Variants in GLIPR1 observed in about 807,000 individuals in gnomAD.
GLIPR1 encodes the protein glioma pathogenesis-related protein 1.
In GLIPR1, 38 loss-of-function variants were observed where a neutral mutation model predicts 30.3. That is an observed-to-expected ratio of 1.26 (90% CI 0.97 to 1.65). The LOEUF is 1.65. Among genes scored for constraint, GLIPR1 ranks in the 40% most tolerant of loss-of-function variants. The probability of loss-of-function intolerance (pLI) is 0.00; values close to 1 mark genes in which losing one functional copy is unlikely to be tolerated. For synonymous variants in GLIPR1, 122 were observed against 110.6 expected (o/e 1.10, Z -0.65); for missense variants, 285 against 326.5 (o/e 0.87, Z 0.98).
Position 75,501,584 on chromosome 12 carries a change from G to T in GLIPR1, c.*2606G>T, listed in dbSNP as rs527361597. 3.7e-4 allele frequency: 231 copies of T among 622,686 alleles called. 1 individual carries two copies. The South Asian group carries it at 4.2e-3, about 11-fold the overall frequency. The allele number at this position is 622,686 out of a possible 1,614,324, so 38.6% of individuals were successfully genotyped here. On this transcript the variant is annotated 3_prime_UTR_variant, in exon 6 of 6. Coordinates refer to ENST00000266659, the MANE Select transcript of GLIPR1 (RefSeq NM_006851.3). ...TTATAAATTATCTCAGCCATCCCTT[G>T]TCCTTAGGATTAGTAATTAATGAAA...
chr12:75,499,177 C>A lies in GLIPR1; in HGVS notation c.*199C>A. On this transcript the variant is annotated 3_prime_UTR_variant, in exon 6 of 6. Coordinates refer to ENST00000266659, the MANE Select transcript of GLIPR1 (RefSeq NM_006851.3). ...CTTTAGTATAAATAAGCATTATTTG[C>A]AGGTTGCCACAGGTGGACTTTTAGT... 2.5e-6 allele frequency: 1 copy of A among 399,604 alleles called. No individual in the cohort carries two copies. The highest frequency in any genetic ancestry group is 4.4e-6 in the Non-Finnish European group (1 of 226,340). 24.8% of individuals were successfully genotyped at this position (399,604 alleles called of 1,614,324 possible).
At chr12:75,484,545 T>A (rs1448031618) in intron 2 of GLIPR1, 1 of 152,242 alleles carries the variant, frequency 6.6e-6, no homozygotes, top group East Asian at 1.9e-4. Flanking sequence ...ACAGTCTTTG[T>A]GTGAGCAATA....
chr12:75,481,474 G>A (rs1023678397), intron 1 of GLIPR1: 1 of 255,560 alleles, frequency 3.9e-6, no homozygotes, highest in Non-Finnish European at 7.6e-6. Flanking sequence ...ATTCAGTAAG[G>A]CTTGGGATTG....
At position 75,495,490 on chromosome 12, in the gene GLIPR1, C is replaced by A. The variant is rs2046344702; in HGVS notation, c.534-87C>A. The stretch of plus-strand genomic sequence containing the variant: ...GACCTTTGTACTTCACTCCACTATT[C>A]TTCTGGATTTAGTTAAGGATTCATA... On this transcript the variant is annotated intron_variant, in intron 3 of 5. Transcript: ENST00000266659. The A allele has an allele frequency of 4.2e-6, 3 of 711,986 alleles. No homozygotes were observed. In the South Asian group the frequency reaches 4.7e-5, roughly 11 times the overall value. The allele number at this position is 711,986 out of a possible 1,614,324, so 44.1% of individuals were successfully genotyped here. A position where few individuals can be genotyped will look rare whatever the true frequency, so the allele number is the denominator to read the frequency against.
In GLIPR1 at chr12:75,503,450, A is replaced by T; in HGVS notation, c.*4472A>T. 6.6e-6 allele frequency: 1 copy of T among 152,588 alleles called. No homozygotes were observed. Among genetic ancestry groups the T allele is most frequent in the Non-Finnish European group, 1.5e-5 (1 of 68,126 alleles). 9.5% of individuals were successfully genotyped at this position (152,588 alleles called of 1,614,324 possible). A position where few individuals can be genotyped will look rare whatever the true frequency, so the allele number is the denominator to read the frequency against. The stretch of plus-strand genomic sequence containing the variant: ...CAAAACAATGATGTGCAAGAACAAA[A>T]TGGAAACTGGTCATGGTGGGAAAGG... On this transcript the variant is annotated 3_prime_UTR_variant, in exon 6 of 6. Transcript: ENST00000266659.
Position 75,481,933 on chromosome 12 carries a change from AACTTC to A in GLIPR1, c.283_287del (p.Ser95GlyfsTer23). 1 of 1,614,124 alleles carries A rather than the reference AACTTC, an allele frequency of 6.2e-7. No individual in the cohort carries two copies. Among genetic ancestry groups the A allele is most frequent in the Non-Finnish European group, 8.5e-7 (1 of 1,180,004 alleles). ...GAAGCCACCCCACAAGCTGCACCCA[AACTTC>A]ACTTCACTGGGAGAGAACATCTGGA... On this transcript the variant is annotated frameshift_variant, in exon 2 of 6. Coordinates refer to ENST00000266659, the MANE Select transcript of GLIPR1 (RefSeq NM_006851.3). LOFTEE classifies it high-confidence loss of function.
intron 2 of GLIPR1, chr12:75,489,636 C>T (rs2046310599): frequency 6.6e-6 from 1 of 152,224 alleles, no homozygotes; most frequent in Non-Finnish European, 1.5e-5. Flanking sequence ...TCCCCTCTTA[C>T]CCTACACTCA....
chr12:75,491,837 A>G (rs775623420), intron 3 of GLIPR1: 6 of 152,186 alleles, frequency 3.9e-5, no homozygotes, highest in Non-Finnish European at 8.8e-5. Context: ...TGCAATATAT[A>G]TAATGATCTT....
At position 75,500,334 on chromosome 12, in the gene GLIPR1, T is replaced by C. The variant is rs1051446; in HGVS notation, c.*1356T>C. The C allele has an allele frequency of 0.38, 57,636 of 153,496 alleles. 11,030 individuals are homozygous for C. The highest frequency in any genetic ancestry group is 0.46 in the East Asian group (2,378 of 5,220). 9.5% of individuals were successfully genotyped at this position (153,496 alleles called of 1,614,324 possible). ...GGAACTTCTGAGTCATTATTTTCCA[T>C]CTTGCACATTAAAATAATTTAAAAT... On this transcript the variant is annotated 3_prime_UTR_variant, in exon 6 of 6. Coordinates refer to ENST00000266659, the MANE Select transcript of GLIPR1 (RefSeq NM_006851.3).
At position 75,501,919 on chromosome 12, in the gene GLIPR1, G is replaced by A. The variant is rs775428193; in HGVS notation, c.*2941G>A. The A allele has an allele frequency of 1.2e-5, 19 of 1,607,750 alleles. No homozygotes were observed. Among genetic ancestry groups the A allele is most frequent in the East Asian group, 6.9e-5 (3 of 43,574 alleles). On this transcript the variant is annotated 3_prime_UTR_variant, in exon 6 of 6. Transcript: ENST00000266659. ...TCATGTGAGCCAGACATAAAGTGCCGTACCTTTATTGCTTCCATTTTCTGC... is the reference window on the plus strand; with the variant it reads ...TCATGTGAGCCAGACATAAAGTGCCATACCTTTATTGCTTCCATTTTCTGC...
intron 2 of GLIPR1, among the ~76,000 whole-genome samples, chr12:75,485,549 A>AT: frequency 6.8e-6 from 1 of 146,806 alleles, no homozygotes; most frequent in East Asian, 2.0e-4. Context: ...TTATTTATTT[A>AT]TTTATTTATT....
rs777256691 is a variant in GLIPR1, at chr12:75,482,039, A to G, written c.380A>G (p.Lys127Arg). 1.2e-6 allele frequency: 2 copies of G among 1,614,012 alleles called. No individual in the cohort carries two copies. The highest frequency in any genetic ancestry group is 1.7e-6 in the Non-Finnish European group (2 of 1,179,870). The part of the protein sequence containing the change: ...WYDEIQDYDF[K>R]TRICKKVCGH... The stretch of plus-strand genomic sequence containing the variant: ...GACGAAATCCAGGACTATGACTTCA[A>G]GACTCGGATATGCAAAAAAGTCTGT... The change falls in exon 2 of 6, where the codon AAG (lysine) becomes AGG (arginine). Residue 127 changes from lysine (K) to arginine (R), a missense_variant. By Grantham distance (26) the Lys-to-Arg change is conservative. Transcript: ENST00000266659.
At chr12:75,497,323 A>G (rs1249854546) in intron 4 of GLIPR1, 1 of 152,220 alleles carries the variant, frequency 6.6e-6, no homozygotes, top group Admixed American at 6.5e-5. Context: ...ATCTTGGGGA[A>G]TAACATTTAG....
At position 75,481,994 on chromosome 12, in the gene GLIPR1, C is replaced by G. The variant is rs767699589; in HGVS notation, c.335C>G (p.Ser112Cys). 6.2e-7 allele frequency: 1 copy of G among 1,614,082 alleles called. No homozygotes were observed. The highest frequency in any genetic ancestry group is 8.5e-7 in the Non-Finnish European group (1 of 1,179,968). Residue 112 changes from serine to cysteine, a missense_variant, in exon 2 of 6, where the codon TCC (serine) becomes TGC (cysteine). Physicochemically the swap from Ser to Cys is moderately radical, Grantham distance 112 (BLOSUM62 -1). Coordinates refer to ENST00000266659, the MANE Select transcript of GLIPR1 (RefSeq NM_006851.3). ...TCTGTGCCCATTTTTTCTGTGTCTT[C>G]CGCCATCACAAACTGGTATGACGAA... ...TGSVPIFSVS[S>C]AITNWYDEIQ... is the part of the protein sequence containing the mutation.
rs1429965515 is a variant in GLIPR1, at chr12:75,502,788, A to G, written c.*3810A>G. The G allele has an allele frequency of 2.0e-5, 3 of 152,060 alleles. No homozygotes were observed. Among genetic ancestry groups the G allele is most frequent in the East Asian group, 1.9e-4 (1 of 5,196 alleles). The allele number at this position is 152,060 out of a possible 1,614,324, so 9.4% of individuals were successfully genotyped here. ...AAGCTTACACAGCTACAGAAGAAAG[A>G]TAAGTCAATTACTACAAGAAAGGGC... is the stretch of plus-strand genomic sequence containing the variant. On this transcript the variant is annotated 3_prime_UTR_variant, in exon 6 of 6. Transcript: ENST00000266659.
Position 75,495,558 on chromosome 12 carries a change from T to C in GLIPR1, c.534-19T>C. ...AAAACCGAAAAACTTCTAATGGACA[T>C]CCTTCTTCTGCTTTACAGAGGGAAT... On this transcript the variant is annotated intron_variant, in intron 3 of 5. Transcript: ENST00000266659. 1 of 1,445,412 alleles carries C rather than the reference T, an allele frequency of 6.9e-7. No individual in the cohort carries two copies. The allele number at this position is 1,445,412 out of a possible 1,614,324, so 89.5% of individuals were successfully genotyped here.
chr12:75,483,665 G>A (rs1054891419), intron 2 of GLIPR1: 3 of 152,236 alleles, frequency 2.0e-5, no homozygotes, highest in Non-Finnish European at 4.4e-5. Flanking sequence ...TGTGAGCAAG[G>A]AGGACAGAAT....
At position 75,499,133 on chromosome 12, in the gene GLIPR1, C is replaced by CTCTA; in HGVS notation, c.*158_*161dup. 2.1e-6 allele frequency: 1 copy of CTCTA among 486,020 alleles called. No homozygotes were observed. The allele number at this position is 486,020 out of a possible 1,614,324, so 30.1% of individuals were successfully genotyped here. The stretch of plus-strand genomic sequence containing the variant: ...TTACTCAAAAGAAGAAATTTCCTAA[C>CTCTA]TCTATCAGATAAACTCATCTTTAGT... On this transcript the variant is annotated 3_prime_UTR_variant, in exon 6 of 6. Coordinates refer to ENST00000266659, the MANE Select transcript of GLIPR1 (RefSeq NM_006851.3).
At chr12:75,498,460 T>A (rs1481817527) in intron 4 of GLIPR1, 9 of 409,370 alleles carry the variant, frequency 2.2e-5, no homozygotes, top group Non-Finnish European at 3.5e-5. Flanking sequence ...TTTATAGTAA[T>A]GGTATAGTTT....
Sources: allele counts gnomAD v4.1 joint callset (sites outside exome capture counted in the v4.1 genomes callset), GRCh38; gene constraint gnomAD v4.1.1; transcripts MANE v1.5; gene names NCBI Gene and HGNC (gene_info 2026-07-23, HGNC 2026-07-21).